The following MAPKAPK2 variants were observed in gnomAD, a reference collection of about 807,000 sequenced individuals.
The protein encoded by MAPKAPK2 is MAPK activated protein kinase 2.
In MAPKAPK2, 9 loss-of-function variants were observed where a neutral mutation model predicts 48.8. That is an observed-to-expected ratio of 0.18 (90% CI 0.11 to 0.32). The LOEUF is 0.32. MAPKAPK2 is among the 10% of genes least tolerant of loss of function. The probability of loss-of-function intolerance (pLI) is 1.00; values close to 1 mark genes in which losing one functional copy is unlikely to be tolerated. For synonymous variants in MAPKAPK2, 202 were observed against 190.6 expected (o/e 1.06, Z -0.49); for missense variants, 331 against 498.3 (o/e 0.66, Z 3.20).
At chr1:206,728,968 T>C in intron 2 of MAPKAPK2, 67 bp from the exon 3 acceptor site, 7 of 1,611,562 alleles carry the variant, frequency 4.3e-6, no homozygotes, top group Non-Finnish European at 5.1e-6. Context: ...ACTTGATTTT[T>C]TGGGGGGCAG....
Position 206,704,494 on chromosome 1 carries a change from C to T in MAPKAPK2, c.279+18986C>T, listed in dbSNP as rs1672893003. On this transcript the variant is annotated intron_variant, in intron 1 of 9. Coordinates refer to ENST00000367103, the MANE Select transcript of MAPKAPK2 (RefSeq NM_032960.4). This position sits in a 1 kb window ranked among gnomAD's most constrained non-coding sequence, Gnocchi z 4.3. ...GTACAGTACATTGAAAGCAGTCACC[C>T]AACTTCCTTTATAGCCGGATACAAA... Among the ~76,000 whole-genome samples, 1 of 152,160 alleles carries T rather than the reference C, an allele frequency of 6.6e-6. No individual in the cohort carries two copies. The highest frequency in any genetic ancestry group is 2.4e-5 in the African/African-American group (1 of 41,434).
At chr1:206,695,791 A>G in intron 1 of MAPKAPK2, 1 of 270,766 alleles carries the variant, frequency 3.7e-6, no homozygotes, top group Non-Finnish European at 7.1e-6. Context: ...TTTAACAGGA[A>G]GGTAATTTAT....
At position 206,731,316 on chromosome 1, in the gene MAPKAPK2, GTGTA is replaced by G; in HGVS notation, c.892+58_892+61del. 6.2e-7 allele frequency: 1 copy of G among 1,607,798 alleles called. No homozygotes were observed. The highest frequency in any genetic ancestry group is 8.5e-7 in the Non-Finnish European group (1 of 1,176,630). On this transcript the variant is annotated intron_variant, in intron 7 of 9. Transcript: ENST00000367103. The surrounding 1 kb of genome is among the most constrained non-coding windows in gnomAD (Gnocchi z 5.9). ...GAAGAGCCCGTGTGTGTGTGTGTGT[GTGTA>G]TGTGTGTACACGCAGACACATGTAT...
intron 1 of MAPKAPK2, among the ~76,000 whole-genome samples, chr1:206,711,205 A>G (rs868988071): frequency 2.2e-4 from 33 of 152,186 alleles, no homozygotes; most frequent in Non-Finnish European, 1.3e-4. Context: ...ATCAGACTAT[A>G]TGTATCAAAT....
rs1553426215 is a variant in MAPKAPK2, at chr1:206,691,354, G to A, written c.279+5846G>A. On this transcript the variant is annotated intron_variant, in intron 1 of 9. Transcript: ENST00000367103. Reference sequence around the variant, plus strand: ...TCCACATGGGTTACCTTGTAAATGGGGGCATTGGTGAAGAGAAGGGGCCAT... The same window carrying A: ...TCCACATGGGTTACCTTGTAAATGGAGGCATTGGTGAAGAGAAGGGGCCAT... 1.8e-4 allele frequency among the ~76,000 whole-genome samples: 27 copies of A among 151,790 alleles called. 1 individual carries two copies. The highest frequency in any genetic ancestry group is 1.5e-5 in the Non-Finnish European group (1 of 67,946).
chr1:206,724,929 G>A (rs559446273), intron 1 of MAPKAPK2, among the ~76,000 whole-genome samples: 1 of 152,274 alleles, frequency 6.6e-6, no homozygotes, highest in African/African-American at 2.4e-5. Context: ...CCTATATAGA[G>A]TTTCTGAAGC....
intron 1 of MAPKAPK2, among the ~76,000 whole-genome samples, chr1:206,723,500 T>A (rs1673608274): frequency 6.6e-6 from 1 of 152,204 alleles, no homozygotes; most frequent in African/African-American, 2.4e-5. Flanking sequence ...CCAGTTCACA[T>A]AGCTAGTGAG....
chr1:206,707,740 G>A (rs1347311276), intron 1 of MAPKAPK2, among the ~76,000 whole-genome samples: 7 of 152,174 alleles, frequency 4.6e-5, no homozygotes, highest in Admixed American at 1.3e-4. Flanking sequence ...TGGGGCTCCT[G>A]CTCACTGATT....
chr1:206,731,124 T>C lies in MAPKAPK2; in HGVS notation c.768-14T>C. Reference sequence around the variant, plus strand: ...GCTGTTCTGTCTCCCACTTCCTTCCTCCTGTTGATGCAGGCTGTGTGGGTA... The same window carrying C: ...GCTGTTCTGTCTCCCACTTCCTTCCCCCTGTTGATGCAGGCTGTGTGGGTA... On this transcript the variant is annotated splice_polypyrimidine_tract_variant and intron_variant, in intron 6 of 9. Transcript: ENST00000367103. The surrounding 1 kb of genome is among the most constrained non-coding windows in gnomAD (Gnocchi z 5.9). 1 of 1,614,154 alleles carries C rather than the reference T, an allele frequency of 6.2e-7. No individual in the cohort carries two copies. Among genetic ancestry groups the C allele is most frequent in the African/African-American group, 1.3e-5 (1 of 75,030 alleles).
chr1:206,689,010 C>G (rs1672372741), intron 1 of MAPKAPK2, among the ~76,000 whole-genome samples: 1 of 152,144 alleles, frequency 6.6e-6, no homozygotes, highest in African/African-American at 2.4e-5. Flanking sequence ...GGGAGGGTTC[C>G]TCAGCTGCTT....
At chr1:206,691,038 T>TGCTTTTTCTG (rs1553426175) in intron 1 of MAPKAPK2, among the ~76,000 whole-genome samples, 9 of 151,108 alleles carry the variant, frequency 6.0e-5, no homozygotes, top group Admixed American at 5.3e-4. Context: ...TTCTTGGTAA[T>TGCTTTTTCTG]GGTTTGAGGC....
intron 1 of MAPKAPK2, among the ~76,000 whole-genome samples, chr1:206,703,515 G>A (rs1003132106): frequency 2.6e-5 from 4 of 152,156 alleles, no homozygotes; most frequent in African/African-American, 9.7e-5. Context: ...AGGGCTGTCT[G>A]TGTTCTCTTC....
Position 206,732,125 on chromosome 1 carries a change from G to T in MAPKAPK2, c.1059+206G>T. The T allele has an allele frequency of 6.2e-7, 1 of 1,614,140 alleles. No individual in the cohort carries two copies. The highest frequency in any genetic ancestry group is 2.2e-5 in the East Asian group (1 of 44,888). On this transcript the variant is annotated intron_variant, in intron 9 of 9. Transcript: ENST00000367103. The surrounding 1 kb of genome is among the most constrained non-coding windows in gnomAD (Gnocchi z 4.4). ...TTCTGTGTTCCTGTCCAAACTCAGT[G>T]CTGTTTCTTAGAATCCTTTTATTCC...
intron 1 of MAPKAPK2, among the ~76,000 whole-genome samples, chr1:206,725,894 C>T (rs1673687880): frequency 6.6e-6 from 1 of 152,184 alleles, no homozygotes; most frequent in Non-Finnish European, 1.5e-5. Flanking sequence ...ATATCTTCTT[C>T]TGCCCCCCAC....
At chr1:206,687,740 A>G (rs1037386329) in intron 1 of MAPKAPK2, among the ~76,000 whole-genome samples, 2 of 152,252 alleles carry the variant, frequency 1.3e-5, no homozygotes, top group African/African-American at 4.8e-5. Flanking sequence ...AATGGTTTTC[A>G]AAACCAGAAG....
chr1:206,723,483 A>G (rs1258595430), intron 1 of MAPKAPK2, among the ~76,000 whole-genome samples: 2 of 152,134 alleles, frequency 1.3e-5, no homozygotes, highest in African/African-American at 4.8e-5. Context: ...GGGGTTGGAA[A>G]CTTTTCCCAG....
chr1:206,694,641 G>T (rs551765355), intron 1 of MAPKAPK2, among the ~76,000 whole-genome samples: 1 of 152,216 alleles, frequency 6.6e-6, no homozygotes, highest in East Asian at 1.9e-4. Context: ...CAGGTTGCTC[G>T]TCATGCTTGG....
chr1:206,703,835 C>T (rs74147680), intron 1 of MAPKAPK2, among the ~76,000 whole-genome samples: 147 of 152,290 alleles, frequency 9.7e-4, no homozygotes, highest in African/African-American at 3.4e-3. Flanking sequence ...CTGCTGAAGG[C>T]GTTGTAAGAA....
intron 1 of MAPKAPK2, among the ~76,000 whole-genome samples, chr1:206,695,260 GC>G (rs1553426822): frequency 1.3e-5 from 2 of 152,108 alleles, no homozygotes; most frequent in Non-Finnish European, 2.9e-5. Flanking sequence ...GAAACATGTG[GC>G]TAACTCTGAG....
Sources: allele counts gnomAD v4.1 joint callset (sites outside exome capture counted in the v4.1 genomes callset), GRCh38; gene constraint gnomAD v4.1.1; non-coding constraint Gnocchi (gnomAD v3.1); transcripts MANE v1.5; gene names NCBI Gene and HGNC (gene_info 2026-07-23, HGNC 2026-07-21).